FAM174C: variants seen among roughly 807,000 people sequenced by gnomAD.
FAM174C encodes the protein protein FAM174C.
FAM174C carries 19 observed loss-of-function variants against 12.3 expected under a neutral mutation model. The ratio of observed to expected loss-of-function variants is 1.55; its 90% CI spans 1.08 to 2.27. The LOEUF (loss-of-function observed/expected upper bound fraction) is 2.27. FAM174C is among the 30% of genes most tolerant of loss of function. The probability of loss-of-function intolerance (pLI) is 0.00; values close to 1 mark genes in which losing one functional copy is unlikely to be tolerated. For missense variants in FAM174C, 239 were observed against 190.2 expected (o/e 1.26, Z -1.51); for synonymous variants, 147 against 103.5 (o/e 1.42, Z -2.55).
Position 1,275,642 on chromosome 19 carries a change from GCT to G in FAM174C, c.94_95del (p.Leu32AlafsTer62). On this transcript the variant is annotated frameshift_variant, in exon 1 of 3. Coordinates refer to ENST00000409293, the MANE Select transcript of FAM174C (RefSeq NM_017914.4). LOFTEE classifies it high-confidence loss of function. ...LPCGAEEASPLRPAQVTLSPP... is the reference protein window; with the variant it reads ...LPCGAEEASPXRPAQVTLSPP... ...CGTGCGGTGCCGAAGAGGCCTCGCC[GCT>G]GCGCCCCGCGCAGGTCACGTTGTCG... is the stretch of plus-strand genomic sequence containing the variant. 7.2e-7 allele frequency: 1 copy of G among 1,387,400 alleles called. No individual in the cohort carries two copies. The highest frequency in any genetic ancestry group is 9.2e-7 in the Non-Finnish European group (1 of 1,082,834). The allele number at this position is 1,387,400 out of a possible 1,614,324, so 85.9% of individuals were successfully genotyped here. A position where few individuals can be genotyped will look rare whatever the true frequency, so the allele number is the denominator to read the frequency against.
rs1034663386 is a variant in FAM174C at position 1,277,029 on chromosome 19, C to T, written c.282-154C>T. 1.6e-5 allele frequency: 19 copies of T among 1,181,570 alleles called. No individual in the cohort carries two copies. In the South Asian group the frequency reaches 3.0e-4, roughly 19 times the overall value. The allele number at this position is 1,181,570 out of a possible 1,614,324, so 73.2% of individuals were successfully genotyped here. A position where few individuals can be genotyped will look rare whatever the true frequency, so the allele number is the denominator to read the frequency against. On this transcript the variant is annotated intron_variant, in intron 1 of 2. Coordinates refer to ENST00000409293, the MANE Select transcript of FAM174C (RefSeq NM_017914.4). Reference sequence around the variant, plus strand: ...ATGGGAGTGAATGGTAATCACTTGGCGATTAGGACATGAAAGAAGCAGGCA... The same window carrying T: ...ATGGGAGTGAATGGTAATCACTTGGTGATTAGGACATGAAAGAAGCAGGCA...
chr19:1,276,196 C>T (rs2144597428), intron 1 of FAM174C: 2 of 269,312 alleles, frequency 7.4e-6, no homozygotes, highest in South Asian at 5.5e-5. Flanking sequence ...GATGCCCGTC[C>T]TCGTTCTCAT....
Position 1,277,306 on chromosome 19 carries a change from A to C in FAM174C, c.398+7A>C. ...AGTCCCGGAATCTGAGATGGTGTGC[A>C]CCCTTCCCCAGCTCTGGGGCCTCGG... On this transcript the variant is annotated splice_region_variant and intron_variant, in intron 2 of 2. Transcript: ENST00000409293. 1 of 1,539,450 alleles carries C rather than the reference A, an allele frequency of 6.5e-7. No homozygotes were observed. The highest frequency in any genetic ancestry group is 2.5e-5 in the East Asian group (1 of 40,452).
At chr19:1,276,983 T>A (rs749367384) in intron 1 of FAM174C, 200 bp from the exon 2 acceptor site, 41 of 788,372 alleles carry the variant, frequency 5.2e-5, no homozygotes, top group Middle Eastern at 3.9e-4. Flanking sequence ...GTAGGGCACA[T>A]GTCTTCTTAC....
intron 2 of FAM174C, 25 bp from the exon 3 acceptor site, chr19:1,278,752 C>G (rs578136509): frequency 1.3e-5 from 21 of 1,611,498 alleles, no homozygotes; most frequent in Non-Finnish European, 1.5e-5. Context: ...CTCCTTCCCT[C>G]TCACCCTTGA....
rs117747046 is a variant in FAM174C at position 1,276,313 on chromosome 19, G to T, written c.281+483G>T. The T allele has an allele frequency of 6.6e-3, 1,104 of 168,224 alleles. 7 individuals are homozygous for T. Among genetic ancestry groups the T allele is most frequent in the South Asian group, 0.023 (204 of 8,714 alleles). 10.4% of individuals were successfully genotyped at this position (168,224 alleles called of 1,614,324 possible). A position where few individuals can be genotyped will look rare whatever the true frequency, so the allele number is the denominator to read the frequency against. On this transcript the variant is annotated intron_variant, in intron 1 of 2. Transcript: ENST00000409293. The stretch of plus-strand genomic sequence containing the variant: ...AGGGTCGGCCACGTGCCCGCCTTGG[G>T]TGCTCCCACAGCCCGGGAGGTGCAG...
chr19:1,278,816 G>A lies in FAM174C; in HGVS notation c.*39G>A, dbSNP rs761656953. The stretch of plus-strand genomic sequence containing the variant: ...AGGCGGCCCTTCCAGCAGCCATGAG[G>A]GAAGGACAGGAGATGGGGCCCACCC... On this transcript the variant is annotated 3_prime_UTR_variant, in exon 3 of 3. Transcript: ENST00000409293. The A allele has an allele frequency of 1.9e-6, 3 of 1,613,084 alleles. No individual in the cohort carries two copies. The highest frequency in any genetic ancestry group is 2.2e-5 in the East Asian group (1 of 44,888).
rs1241871560 is a variant in FAM174C at position 1,275,672 on chromosome 19, G to A, written c.123G>A (p.Pro41=). 14 of 1,439,782 alleles carry A rather than the reference G, an allele frequency of 9.7e-6. No individual in the cohort carries two copies. The East Asian group carries it at 3.5e-4, about 36-fold the overall frequency. 89.2% of individuals were successfully genotyped at this position (1,439,782 alleles called of 1,614,324 possible). ...GCCCCGCGCAGGTCACGTTGTCGCC[G>A]CCGCCGGCCGTGACGAACGGGAGCC... The part of the protein sequence containing the change: ...PLRPAQVTLS[P]PPAVTNGSQP... Residue 41 remains proline, a synonymous_variant, in exon 1 of 3, where the codon CCG becomes CCA. Coordinates refer to ENST00000409293, the MANE Select transcript of FAM174C (RefSeq NM_017914.4).
chr19:1,277,006 G>GA (rs2081418485), intron 1 of FAM174C, 177 bp from the exon 2 acceptor site: 2 of 989,470 alleles, frequency 2.0e-6, no homozygotes, highest in Non-Finnish European at 2.8e-6. Flanking sequence ...TCATCGCCAT[G>GA]GGAGTGAATG....
At position 1,279,215 on chromosome 19, in the gene FAM174C, G is replaced by A. The variant is rs376256874; in HGVS notation, c.*438G>A. ...CGCCGGGCTGGGAACAATAAATGCA[G>A]CCATGTCTCTGCAGCTGGTGCTGAC... On this transcript the variant is annotated 3_prime_UTR_variant, in exon 3 of 3. Transcript: ENST00000409293. 22 of 1,605,314 alleles carry A rather than the reference G, an allele frequency of 1.4e-5. No individual in the cohort carries two copies. Among genetic ancestry groups the A allele is most frequent in the Non-Finnish European group, 1.9e-5 (22 of 1,175,710 alleles).
chr19:1,275,848 G>T lies in FAM174C; in HGVS notation c.281+18G>T, dbSNP rs1476929007. ...GCGTTTAGGTGCGTCAGGCGCACGTGGGCGCCGTCTCTCAGCCTTGGCCAA... is the reference window on the plus strand; with the variant it reads ...GCGTTTAGGTGCGTCAGGCGCACGTTGGCGCCGTCTCTCAGCCTTGGCCAA... On this transcript the variant is annotated intron_variant, in intron 1 of 2. Transcript: ENST00000409293. The T allele has an allele frequency of 2.0e-6, 3 of 1,533,930 alleles. No homozygotes were observed. The highest frequency in any genetic ancestry group is 2.6e-6 in the Non-Finnish European group (3 of 1,145,404).
rs1421654910 is a variant in FAM174C at position 1,275,618 on chromosome 19, G to C, written c.69G>C (p.Pro23=). ...TGGCGCTGCTGCTGGCGGCGCTGCC[G>C]TGCGGTGCCGAAGAGGCCTCGCCGC... The part of the protein sequence containing the change: ...LLLALLLAAL[P]CGAEEASPLR... Residue 23 remains proline, a synonymous_variant, in exon 1 of 3, where the codon CCG becomes CCC. Coordinates refer to ENST00000409293, the MANE Select transcript of FAM174C (RefSeq NM_017914.4). The C allele has an allele frequency of 1.5e-6, 2 of 1,297,760 alleles. No homozygotes were observed. The highest frequency in any genetic ancestry group is 1.6e-5 in the African/African-American group (1 of 64,128). The allele number at this position is 1,297,760 out of a possible 1,614,324, so 80.4% of individuals were successfully genotyped here. A position where few individuals can be genotyped will look rare whatever the true frequency, so the allele number is the denominator to read the frequency against.
At position 1,277,313 on chromosome 19, in the gene FAM174C, C is replaced by G; in HGVS notation, c.398+14C>G. 2 of 1,536,532 alleles carry G rather than the reference C, an allele frequency of 1.3e-6. No individual in the cohort carries two copies. Among genetic ancestry groups the G allele is most frequent in the Non-Finnish European group, 1.8e-6 (2 of 1,135,216 alleles). On this transcript the variant is annotated intron_variant, in intron 2 of 2. Transcript: ENST00000409293. ...GAATCTGAGATGGTGTGCACCCTTC[C>G]CCAGCTCTGGGGCCTCGGTGGGCAG...
chr19:1,277,437 T>G, intron 2 of FAM174C, 138 bp downstream of exon 2: 1 of 1,308,992 alleles, frequency 7.6e-7, no homozygotes, highest in Non-Finnish European at 1.0e-6. Context: ...ATGGCCCCAC[T>G]GGGCAGGGCT....
intron 1 of FAM174C, chr19:1,276,384 C>T (rs538408792): frequency 1.3e-5 from 2 of 155,136 alleles, no homozygotes; most frequent in South Asian, 1.7e-4. Context: ...TAGGCAGCCC[C>T]TGGGCAGGAG....
intron 2 of FAM174C, 70 bp from the exon 3 acceptor site, chr19:1,278,707 T>A: frequency 6.3e-7 from 1 of 1,595,916 alleles, no homozygotes; most frequent in Non-Finnish European, 8.5e-7. Flanking sequence ...CTGCCTGACC[T>A]GGGTGAGCCT....
rs757292 is a variant in FAM174C at position 1,277,276 on chromosome 19, G to C, written c.375G>C (p.Val125=). 1,232,117 of 1,547,550 alleles carry C rather than the reference G, an allele frequency of 0.8. 492,046 individuals carry two copies. The highest frequency in any genetic ancestry group is 0.97 in the East Asian group (39,695 of 40,786). Residue 125 remains valine (V), a synonymous_variant, in exon 2 of 3, where the codon GTG becomes GTC. Transcript: ENST00000409293. ...MASLDSDEET[V]FESRNLR ...CGCTGGACAGCGACGAGGAGACGGTGTTTGAGTCCCGGAATCTGAGATGGT... is the reference window on the plus strand; with the variant it reads ...CGCTGGACAGCGACGAGGAGACGGTCTTTGAGTCCCGGAATCTGAGATGGT...
In FAM174C at chr19:1,277,327, C is replaced by G. The variant is rs1330275771; in HGVS notation, c.398+28C>G. On this transcript the variant is annotated intron_variant, in intron 2 of 2. Coordinates refer to ENST00000409293, the MANE Select transcript of FAM174C (RefSeq NM_017914.4). Reference sequence around the variant, plus strand: ...GTGCACCCTTCCCCAGCTCTGGGGCCTCGGTGGGCAGGCTGGGCTGGAGAC... The same window carrying G: ...GTGCACCCTTCCCCAGCTCTGGGGCGTCGGTGGGCAGGCTGGGCTGGAGAC... 3 of 1,527,982 alleles carry G rather than the reference C, an allele frequency of 2.0e-6. No homozygotes were observed. The Admixed American group carries it at 5.9e-5, about 30-fold the overall frequency. 94.7% of individuals were successfully genotyped at this position (1,527,982 alleles called of 1,614,324 possible). A position where few individuals can be genotyped will look rare whatever the true frequency, so the allele number is the denominator to read the frequency against.
At chr19:1,277,395 C>T in intron 2 of FAM174C, 96 bp downstream of exon 2, 1 of 1,465,796 alleles carries the variant, frequency 6.8e-7, no homozygotes, top group South Asian at 1.3e-5. Context: ...GGAGTGGTCC[C>T]TGCAATCACA....
Sources: gnomAD v4.1 joint callset for allele counts on GRCh38, gnomAD v4.1.1 for gene constraint, MANE v1.5 for transcripts, NCBI Gene and HGNC (gene_info 2026-07-23, HGNC 2026-07-21) for gene names.